Variants in SMYD3 observed in about 807,000 individuals in gnomAD.
SMYD3 encodes the protein histone-lysine N-methyltransferase SMYD3.
SMYD3 carries 36 observed loss-of-function variants against 57.7 expected under a neutral mutation model. The observed-to-expected ratio is 0.62, with a 90% CI of 0.48 to 0.82. The LOEUF (loss-of-function observed/expected upper bound fraction) is 0.82. Ranked by LOEUF, SMYD3 falls within the 40% of genes least tolerant of loss-of-function variation. The pLI is 0.00. For missense variants in SMYD3, 515 were observed against 538.8 expected (o/e 0.96, Z 0.44); for synonymous variants, 211 against 195.0 (o/e 1.08, Z -0.68).
At chr1:246,087,048 G>A (rs2060733522) in intron 5 of SMYD3, among the ~76,000 whole-genome samples, 1 of 152,074 alleles carries the variant, frequency 6.6e-6, no homozygotes, top group Non-Finnish European at 1.5e-5. Context: ...CCATGCAAAG[G>A]GCATGATCTC....
chr1:246,444,882 G>C (rs943746400), intron 1 of SMYD3, among the ~76,000 whole-genome samples: 12 of 152,166 alleles, frequency 7.9e-5, no homozygotes, highest in African/African-American at 2.9e-4. Flanking sequence ...AAAAGCTTTA[G>C]GATACGCAAA....
At chr1:246,259,025 T>C (rs1163783732) in intron 5 of SMYD3, among the ~76,000 whole-genome samples, 1 of 152,226 alleles carries the variant, frequency 6.6e-6, no homozygotes, top group East Asian at 1.9e-4. Context: ...CTTTGAATTG[T>C]ATTTTTAAAT....
rs564437534 is a variant in SMYD3, at chr1:245,803,982, C to T, written c.1077-39833G>A. Among the ~76,000 whole-genome samples the T allele has an allele frequency of 2.2e-3, 323 of 149,842 alleles. 1 individual carries two copies. The highest frequency in any genetic ancestry group is 7.6e-3 in the African/African-American group (311 of 40,690). ...AGGCTGGAGTGGAGTGGCACAATCTCGGCTCACTGCAACCTCCGCCTCCCG... is the reference window on the plus strand; with the variant it reads ...AGGCTGGAGTGGAGTGGCACAATCTTGGCTCACTGCAACCTCCGCCTCCCG... On this transcript the variant is annotated intron_variant, in intron 10 of 11. Coordinates refer to ENST00000490107, the MANE Select transcript of SMYD3 (RefSeq NM_001167740.2).
At chr1:246,142,152 G>A (rs971462257) in intron 5 of SMYD3, among the ~76,000 whole-genome samples, 4 of 152,110 alleles carry the variant, frequency 2.6e-5, no homozygotes, top group African/African-American at 9.7e-5. Context: ...CTCAGTGGGT[G>A]CCTGAAACCA....
At chr1:245,872,003 G>A (rs1365865086) in intron 8 of SMYD3, among the ~76,000 whole-genome samples, 4 of 152,060 alleles carry the variant, frequency 2.6e-5, no homozygotes, top group Non-Finnish European at 5.9e-5. Flanking sequence ...CTTCCTCAAC[G>A]TAGTCATCCA....
chr1:245,783,394 G>C (rs1271119691), intron 10 of SMYD3, among the ~76,000 whole-genome samples: 1 of 152,126 alleles, frequency 6.6e-6, no homozygotes, highest in Non-Finnish European at 1.5e-5. Flanking sequence ...GATCTGATGA[G>C]GGAATCCAAA....
At chr1:246,364,647 A>T (rs1182169637) in intron 1 of SMYD3, among the ~76,000 whole-genome samples, 1 of 152,226 alleles carries the variant, frequency 6.6e-6, no homozygotes, top group Non-Finnish European at 1.5e-5. Context: ...TACATCAGGT[A>T]CCTCACCCCT....
intron 8 of SMYD3, among the ~76,000 whole-genome samples, chr1:245,888,578 T>C (rs2053210329): frequency 6.6e-6 from 1 of 152,168 alleles, no homozygotes; most frequent in South Asian, 2.1e-4. Flanking sequence ...ACACAAGTCA[T>C]TTCTCCTCTC....
intron 5 of SMYD3, among the ~76,000 whole-genome samples, chr1:246,126,075 C>T (rs79568634): frequency 0.033 from 4,953 of 152,264 alleles, 282 homozygotes; most frequent in African/African-American, 0.11. Context: ...CAGAATAATT[C>T]CAGAGCACTA....
At chr1:245,993,615 TAGATAGATAGATAGATAGACAGACAGAC>T (rs1372311741) in intron 5 of SMYD3, among the ~76,000 whole-genome samples, 4 of 73,256 alleles carry the variant, frequency 5.5e-5, no homozygotes, top group African/African-American at 1.5e-4. Context: ...GATAGATAGA[TAGATAGATAGATAGATAGACAGACAGAC>T]AGACAGACAG....
intron 5 of SMYD3, among the ~76,000 whole-genome samples, chr1:246,063,901 A>C (rs1478759032): frequency 6.6e-6 from 1 of 152,124 alleles, no homozygotes; most frequent in African/African-American, 2.4e-5. Flanking sequence ...CAACCTCCCA[A>C]AGTGCTGGGA....
intron 5 of SMYD3, among the ~76,000 whole-genome samples, chr1:246,083,653 A>G (rs976166544): frequency 4.6e-5 from 7 of 152,206 alleles, no homozygotes; most frequent in African/African-American, 1.7e-4. Flanking sequence ...TCTGTGCAGC[A>G]GACAGGAAGA....
chr1:246,474,331 A>AACACGGTGAAATCCTGTCTC (rs2067999472), intron 1 of SMYD3, among the ~76,000 whole-genome samples: 1 of 152,130 alleles, frequency 6.6e-6, no homozygotes, highest in Non-Finnish European at 1.5e-5. Context: ...CATCCTGGCT[A>AACACGGTGAAATCCTGTCTC]ACACGGTGAA....
chr1:245,812,480 G>T (rs112684313), intron 10 of SMYD3, among the ~76,000 whole-genome samples: 6 of 151,960 alleles, frequency 3.9e-5, no homozygotes, highest in Admixed American at 3.3e-4. Context: ...TCTACGAGAG[G>T]GTGTGCCCAA....
At chr1:245,879,497 G>A (rs535374828) in intron 8 of SMYD3, among the ~76,000 whole-genome samples, 5 of 152,322 alleles carry the variant, frequency 3.3e-5, no homozygotes, top group East Asian at 1.9e-4. Context: ...TCTGAGCAAC[G>A]AGAAAGCATG....
intron 5 of SMYD3, among the ~76,000 whole-genome samples, chr1:246,115,320 C>A (rs1024615197): frequency 7.9e-5 from 12 of 152,142 alleles, no homozygotes; most frequent in Non-Finnish European, 1.6e-4. Flanking sequence ...AGTAGAAAAC[C>A]TCAAGGTTCA....
rs2147860087 is a variant in SMYD3, at chr1:245,932,967, C to T, written c.532-3030G>A. On this transcript the variant is annotated intron_variant, in intron 5 of 11. Coordinates refer to ENST00000490107, the MANE Select transcript of SMYD3 (RefSeq NM_001167740.2). ...CTTTTATTTAAAATGCTGGCTCCAT[C>T]CAGCACTATCTCAATTAACAACCTG... Among the ~76,000 whole-genome samples the T allele has an allele frequency of 1.3e-5, 2 of 152,244 alleles. 1 individual carries two copies. Among genetic ancestry groups the T allele is most frequent in the Middle Eastern group, 6.8e-3 (2 of 294 alleles).
chr1:245,818,774 A>G (rs1398958623), intron 10 of SMYD3, among the ~76,000 whole-genome samples: 1 of 152,068 alleles, frequency 6.6e-6, no homozygotes, highest in African/African-American at 2.4e-5. Flanking sequence ...CTTTAAACCA[A>G]CAAAGATCAA....
At chr1:246,466,321 C>T (rs1424826271) in intron 1 of SMYD3, among the ~76,000 whole-genome samples, 2 of 152,340 alleles carry the variant, frequency 1.3e-5, no homozygotes, top group East Asian at 3.9e-4. Flanking sequence ...TGTACCTATA[C>T]ACCATGGAAT....
Sources: allele counts gnomAD v4.1 joint callset (sites outside exome capture counted in the v4.1 genomes callset), GRCh38; gene constraint gnomAD v4.1.1; transcripts MANE v1.5; gene names NCBI Gene and HGNC (gene_info 2026-07-23, HGNC 2026-07-21).